THRB: variants seen among roughly 807,000 people sequenced by gnomAD.
THRB encodes the protein thyroid hormone receptor beta.
A neutral mutation model predicts 47.8 loss-of-function variants in THRB; 12 were observed. The observed-to-expected ratio is 0.25, with a 90% CI of 0.16 to 0.41. THRB has a LOEUF of 0.41. Ranked by LOEUF, THRB falls within the 10% of genes least tolerant of loss-of-function variation. The probability of loss-of-function intolerance (pLI) is 1.00; values close to 1 mark genes in which losing one functional copy is unlikely to be tolerated. For synonymous variants in THRB, 218 were observed against 212.2 expected (o/e 1.03, Z -0.24); for missense variants, 348 against 589.2 (o/e 0.59, Z 4.24).
At chr3:24,351,752 T>G (rs2063369707) in intron 1 of THRB, among the ~76,000 whole-genome samples, 1 of 152,114 alleles carries the variant, frequency 6.6e-6, no homozygotes, top group Non-Finnish European at 1.5e-5. Flanking sequence ...ATGAGAAGCT[T>G]AACACCTGTA....
chr3:24,342,171 G>C (rs928899079), intron 1 of THRB, among the ~76,000 whole-genome samples: 2 of 137,182 alleles, frequency 1.5e-5, no homozygotes, highest in African/African-American at 5.6e-5. Context: ...AAAAAAAAAA[G>C]AGAGAGATGC....
At chr3:24,280,937 T>A (rs1322940341) in intron 3 of THRB, among the ~76,000 whole-genome samples, 16 of 147,606 alleles carry the variant, frequency 1.1e-4, no homozygotes, top group African/African-American at 2.5e-4. Flanking sequence ...TGGGACTATG[T>A]GAAAAGACCA....
chr3:24,206,345 A>G (rs533263679), intron 4 of THRB, among the ~76,000 whole-genome samples: 1 of 152,160 alleles, frequency 6.6e-6, no homozygotes, highest in South Asian at 2.1e-4. Flanking sequence ...GGATTAAGAA[A>G]CTCACTCAAA....
At chr3:24,278,242 T>A (rs1489284249) in intron 3 of THRB, among the ~76,000 whole-genome samples, 2 of 152,230 alleles carry the variant, frequency 1.3e-5, no homozygotes, top group African/African-American at 2.4e-5. Context: ...AAAGCCATAA[T>A]GATGTCTGGC....
At chr3:24,453,691 G>C (rs1317815041) in intron 1 of THRB, among the ~76,000 whole-genome samples, 3 of 152,160 alleles carry the variant, frequency 2.0e-5, no homozygotes, top group Non-Finnish European at 4.4e-5. Context: ...CTTTCTGAAT[G>C]AAATTCAAAC....
In THRB at chr3:24,268,347, A is replaced by G. The variant is rs143372751; in HGVS notation, c.-43+28879T>C. On this transcript the variant is annotated intron_variant, in intron 3 of 10. Coordinates refer to ENST00000646209, the MANE Select transcript of THRB (RefSeq NM_001354712.2). Reference sequence around the variant, plus strand: ...CCCTGACAAATAAAAATAATGCAATATAACAAAAGCTGGAAGATAGTGCAG... The same window carrying G: ...CCCTGACAAATAAAAATAATGCAATGTAACAAAAGCTGGAAGATAGTGCAG... Among the ~76,000 whole-genome samples, 353 of 152,360 alleles carry G rather than the reference A, an allele frequency of 2.3e-3. 1 individual carries two copies. Among genetic ancestry groups the G allele is most frequent in the African/African-American group, 8.2e-3 (340 of 41,588 alleles).
At chr3:24,163,389 T>C (rs1427993015) in intron 5 of THRB, among the ~76,000 whole-genome samples, 1 of 152,156 alleles carries the variant, frequency 6.6e-6, no homozygotes, top group Admixed American at 6.6e-5. Context: ...GAACCCCTGG[T>C]TTAACATTTT....
chr3:24,273,843 AG>A (rs1328133997), intron 3 of THRB, among the ~76,000 whole-genome samples: 1 of 151,298 alleles, frequency 6.6e-6, no homozygotes, highest in Admixed American at 6.6e-5. Flanking sequence ...ATTTCTGGCA[AG>A]GATTTTGGAT....
chr3:24,469,935 T>C (rs765070030), intron 1 of THRB, among the ~76,000 whole-genome samples: 1 of 152,194 alleles, frequency 6.6e-6, no homozygotes, highest in Non-Finnish European at 1.5e-5. Context: ...ATGAATGAAG[T>C]CAATGTCTTC....
intron 1 of THRB, among the ~76,000 whole-genome samples, chr3:24,362,161 T>C (rs975556767): frequency 1.3e-5 from 2 of 152,086 alleles, no homozygotes; most frequent in African/African-American, 4.8e-5. Flanking sequence ...TGCTTTCACC[T>C]CCTCAAAACC....
intron 5 of THRB, among the ~76,000 whole-genome samples, chr3:24,155,672 T>A (rs1290122694): frequency 2.0e-5 from 3 of 152,246 alleles, no homozygotes; most frequent in Non-Finnish European, 4.4e-5. Context: ...TCCTTTGTCA[T>A]ACTCACCAAA....
chr3:24,230,763 T>C (rs2048178826), intron 3 of THRB, among the ~76,000 whole-genome samples: 1 of 152,208 alleles, frequency 6.6e-6, no homozygotes, highest in African/African-American at 2.4e-5. Context: ...GCTTGGACTG[T>C]GCCCCACCTC....
At position 24,390,289 on chromosome 3, in the gene THRB, T is replaced by C. The variant is rs372493636; in HGVS notation, c.-260-52918A>G. 2.0e-5 allele frequency among the ~76,000 whole-genome samples: 3 copies of C among 152,296 alleles called. 1 individual carries two copies. The East Asian group carries it at 5.8e-4, about 29-fold the overall frequency. On this transcript the variant is annotated intron_variant, in intron 1 of 10. Coordinates refer to ENST00000646209, the MANE Select transcript of THRB (RefSeq NM_001354712.2). The stretch of plus-strand genomic sequence containing the variant: ...CCCACTCTCCAGCTGAAACACACTT[T>C]AGGTATATTCACCGGAGCATAAGTG...
intron 4 of THRB, among the ~76,000 whole-genome samples, chr3:24,198,851 T>C (rs1192141287): frequency 6.6e-6 from 1 of 152,110 alleles, no homozygotes; most frequent in Non-Finnish European, 1.5e-5. Context: ...ATTGTTAGAC[T>C]CATGGAGGCA....
In THRB at chr3:24,142,842, T is replaced by C. The variant is rs573703368; in HGVS notation, c.738+659A>G. ...TAAAATGGGGATAGTAATTCCAGCT[T>C]ACCTCAAAACACTATGAAGTCTGAA... On this transcript the variant is annotated intron_variant, in intron 8 of 10. Transcript: ENST00000646209. Among the ~76,000 whole-genome samples, 3 of 152,338 alleles carry C rather than the reference T, an allele frequency of 2.0e-5. No homozygotes were observed. The East Asian group carries it at 5.8e-4, about 29-fold the overall frequency.
intron 1 of THRB, among the ~76,000 whole-genome samples, chr3:24,380,474 C>A (rs1216757117): frequency 6.6e-6 from 1 of 151,824 alleles, no homozygotes; most frequent in East Asian, 1.9e-4. Context: ...TTGATTGTAC[C>A]CTTCCCCCTC....
chr3:24,435,559 A>G (rs1304432025), intron 1 of THRB, among the ~76,000 whole-genome samples: 2 of 152,158 alleles, frequency 1.3e-5, no homozygotes, highest in East Asian at 3.9e-4. Flanking sequence ...TAACTTGATG[A>G]GATACCTCTC....
At chr3:24,354,308 C>T (rs184862647) in intron 1 of THRB, among the ~76,000 whole-genome samples, 2 of 152,172 alleles carry the variant, frequency 1.3e-5, no homozygotes, top group Admixed American at 1.3e-4. Context: ...ATAATCTATA[C>T]AACAAACCCC....
chr3:24,208,647 T>C (rs1312185534), intron 4 of THRB, among the ~76,000 whole-genome samples: 2 of 152,226 alleles, frequency 1.3e-5, no homozygotes, highest in Non-Finnish European at 1.5e-5. Context: ...GGTAGCCATA[T>C]GTAGAAAGCT....
Sources: gnomAD v4.1 joint callset for allele counts (sites outside exome capture counted in the v4.1 genomes callset) on GRCh38, gnomAD v4.1.1 for gene constraint, MANE v1.5 for transcripts, NCBI Gene and HGNC (gene_info 2026-07-23, HGNC 2026-07-21) for gene names.